The following EYA4 variants were observed in gnomAD, a reference collection of about 807,000 sequenced individuals.
The protein encoded by EYA4 is protein phosphatase EYA4.
Under a neutral mutation model 87.9 loss-of-function variants are expected in EYA4, and 31 were observed. The ratio of observed to expected loss-of-function variants is 0.35; its 90% confidence interval spans 0.27 to 0.48. The LOEUF (loss-of-function observed/expected upper bound fraction) is 0.48, where lower values mean the gene tolerates loss of function less well. Among genes scored for constraint, EYA4 ranks in the 20% least tolerant of loss-of-function variants. EYA4 has a pLI of 0.99. For missense variants in EYA4, 678 were observed against 761.4 expected, an observed-to-expected ratio of 0.89 and a Z score of 1.29; for synonymous variants, 263 against 270.6, an observed-to-expected ratio of 0.97 and a Z score of 0.28.
intron 3 of EYA4, among the ~76,000 whole-genome samples, chr6:133,421,037 C>T (rs1790175519): frequency 6.6e-6 from 1 of 152,224 alleles, no homozygotes; most frequent in Non-Finnish European, 1.5e-5. Context: ...GATGGATAGA[C>T]ACCTTTAAAG....
rs1800956387 is a variant in EYA4, at chr6:133,530,650, A to T, written c.*1845A>T. On this transcript the variant is annotated 3_prime_UTR_variant, in exon 20 of 20. Coordinates refer to ENST00000355286, the MANE Select transcript of EYA4 (RefSeq NM_004100.5). ...ATGATTTCATTTCTTTAGGCTACAA[A>T]CCTGTATTTCTTTACTGAATGCTAA... 4.1e-6 allele frequency: 4 copies of T among 985,606 alleles called. No homozygotes were observed. Among genetic ancestry groups the T allele is most frequent in the Non-Finnish European group, 4.8e-6 (4 of 829,734 alleles). 61.1% of individuals were successfully genotyped at this position (985,606 alleles called of 1,614,324 possible).
chr6:133,279,433 ACTTC>A (rs1777444689), intron 2 of EYA4, among the ~76,000 whole-genome samples: 1 of 152,124 alleles, frequency 6.6e-6, no homozygotes, highest in Non-Finnish European at 1.5e-5. Context: ...ATTCATTAAT[ACTTC>A]TGGAAATTCA....
rs765287346 is a variant in EYA4 at position 133,530,575 on chromosome 6, T to C, written c.*1770T>C. On this transcript the variant is annotated 3_prime_UTR_variant, in exon 20 of 20. Transcript: ENST00000355286. ...TTCATCAACTGAGGCCTCTGTGGCT[T>C]CAATAAAGTCTACATTTTGCTCACA... 3.1e-4 allele frequency: 307 copies of C among 985,750 alleles called. 1 individual carries two copies. Among genetic ancestry groups the C allele is most frequent in the South Asian group, 5.6e-4 (12 of 21,286 alleles). 61.1% of individuals were successfully genotyped at this position (985,750 alleles called of 1,614,324 possible). A position where few individuals can be genotyped will look rare whatever the true frequency, so the allele number is the denominator to read the frequency against.
intron 3 of EYA4, among the ~76,000 whole-genome samples, chr6:133,407,812 C>G (rs565121848): frequency 6.6e-6 from 1 of 152,226 alleles, no homozygotes; most frequent in African/African-American, 2.4e-5. Flanking sequence ...TTGAAACCAA[C>G]TCATATTTCT....
At chr6:133,448,413 C>T (rs1793077060) in intron 5 of EYA4, among the ~76,000 whole-genome samples, 1 of 152,064 alleles carries the variant, frequency 6.6e-6, no homozygotes, top group African/African-American at 2.4e-5. Flanking sequence ...TTAAATTTTT[C>T]ATAATTTCAC....
chr6:133,273,426 C>G (rs1303009065), intron 1 of EYA4, among the ~76,000 whole-genome samples: 1 of 152,098 alleles, frequency 6.6e-6, no homozygotes, highest in Non-Finnish European at 1.5e-5. Context: ...TTGGCAACAC[C>G]CTCACAGACA....
At chr6:133,482,544 C>T (rs6905892) in intron 12 of EYA4, among the ~76,000 whole-genome samples, 13,620 of 152,252 alleles carry the variant, frequency 0.089, 1,192 homozygotes, top group African/African-American at 0.21. Flanking sequence ...ATTTGAAATC[C>T]TTCAAAACTC....
In EYA4 at chr6:133,428,911, C is replaced by CT. The variant is rs58727159; in HGVS notation, c.84-17688dup. ...CTGGGGCTGAGGGTAGATTTAGCTTCTTTTTTTTTTTTTTTTTTTTTTTTT... is the reference window on the plus strand; with the variant it reads ...CTGGGGCTGAGGGTAGATTTAGCTTCTTTTTTTTTTTTTTTTTTTTTTTTTT... On this transcript the variant is annotated intron_variant, in intron 3 of 19. Transcript: ENST00000355286. 8.3e-3 allele frequency among the ~76,000 whole-genome samples: 400 copies of CT among 48,146 alleles called. 76 individuals are homozygous for CT. Among genetic ancestry groups the CT allele is most frequent in the Middle Eastern group, 0.045 (1 of 22 alleles). 31.6% of individuals were successfully genotyped at this position (48,146 alleles called of 152,430 possible). A position where few individuals can be genotyped will look rare whatever the true frequency, so the allele number is the denominator to read the frequency against.
At chr6:133,333,663 C>G (rs1782149593) in intron 2 of EYA4, among the ~76,000 whole-genome samples, 1 of 152,084 alleles carries the variant, frequency 6.6e-6, no homozygotes. Context: ...AATATTTTAG[C>G]CACAGCAATG....
chr6:133,265,483 G>A (rs1245920669), intron 1 of EYA4, among the ~76,000 whole-genome samples: 2 of 152,088 alleles, frequency 1.3e-5, no homozygotes, highest in African/African-American at 2.4e-5. Context: ...TTGATTTGGA[G>A]AATGTTCTCA....
At chr6:133,365,553 C>T (rs370881454) in intron 2 of EYA4, among the ~76,000 whole-genome samples, 46 of 152,004 alleles carry the variant, frequency 3.0e-4, no homozygotes, top group African/African-American at 9.9e-4. Context: ...ACATTTCCCA[C>T]GATGGGGCGC....
chr6:133,482,001 A>G (rs1796256721), intron 12 of EYA4, among the ~76,000 whole-genome samples: 1 of 152,224 alleles, frequency 6.6e-6, no homozygotes, highest in Non-Finnish European at 1.5e-5. Context: ...AGTAATTTGT[A>G]TAGAAAGAAA....
chr6:133,303,280 C>CTAGA (rs1779553361), intron 2 of EYA4, among the ~76,000 whole-genome samples: 1 of 152,112 alleles, frequency 6.6e-6, no homozygotes, highest in Admixed American at 6.6e-5. Flanking sequence ...TTTGGTAGGA[C>CTAGA]TAGATACATT....
intron 2 of EYA4, among the ~76,000 whole-genome samples, chr6:133,334,130 T>C (rs1480447512): frequency 1.3e-5 from 2 of 152,190 alleles, no homozygotes; most frequent in African/African-American, 4.8e-5. Flanking sequence ...AATGAGTCAG[T>C]CTTGGGGAGG....
intron 1 of EYA4, among the ~76,000 whole-genome samples, chr6:133,257,354 A>T (rs1775419347): frequency 1.3e-5 from 2 of 152,142 alleles, no homozygotes; most frequent in Non-Finnish European, 2.9e-5. Flanking sequence ...CCCCCAACGT[A>T]GGTGAGGCCT....
In EYA4 at chr6:133,376,983, T is replaced by A. The variant is rs564097756; in HGVS notation, c.34-5409T>A. Among the ~76,000 whole-genome samples, 14 of 152,074 alleles carry A rather than the reference T, an allele frequency of 9.2e-5. No individual in the cohort carries two copies. In the South Asian group the frequency reaches 2.3e-3, roughly 25 times the overall value. On this transcript the variant is annotated intron_variant, in intron 2 of 19. Coordinates refer to ENST00000355286, the MANE Select transcript of EYA4 (RefSeq NM_004100.5). ...TGACTAATGTAATAATATTGACCAG[T>A]CCTCTCTACTCCTTTATTCTGCTTT...
At chr6:133,312,067 T>A (rs1780265183) in intron 2 of EYA4, among the ~76,000 whole-genome samples, 1 of 152,028 alleles carries the variant, frequency 6.6e-6, no homozygotes, top group Non-Finnish European at 1.5e-5. Flanking sequence ...ACTGAGGTGA[T>A]GAGTGGGAGT....
intron 3 of EYA4, among the ~76,000 whole-genome samples, chr6:133,393,385 A>ACT (rs1304458730): frequency 1.3e-5 from 2 of 152,206 alleles, no homozygotes; most frequent in African/African-American, 4.8e-5. Context: ...ATGGTAAAGG[A>ACT]GTATGTTAGA....
chr6:133,525,861 G>T (rs1800595627), intron 19 of EYA4: 1 of 976,808 alleles, frequency 1.0e-6, no homozygotes, highest in Non-Finnish European at 1.2e-6. Flanking sequence ...GAAATGGGAT[G>T]TATTGCTCAG....
Sources: allele counts gnomAD v4.1 joint callset (sites outside exome capture counted in the v4.1 genomes callset), GRCh38; gene constraint gnomAD v4.1.1; transcripts MANE v1.5; gene names NCBI Gene and HGNC (gene_info 2026-07-23, HGNC 2026-07-21).